The following POU6F2 variants were observed in gnomAD, a reference collection of about 807,000 sequenced individuals.
The protein encoded by POU6F2 is POU domain, class 6, transcription factor 2.
In POU6F2, 31 loss-of-function variants were observed where a neutral mutation model predicts 71.3. The ratio of observed to expected loss-of-function variants is 0.43; its 90% CI spans 0.33 to 0.59. The LOEUF (loss-of-function observed/expected upper bound fraction) is 0.59. POU6F2 is among the 20% of genes least tolerant of loss of function. The probability of loss-of-function intolerance (pLI) is 0.04; values close to 1 mark genes in which losing one functional copy is unlikely to be tolerated. For missense variants in POU6F2, 783 were observed against 856.8 expected, an observed-to-expected ratio of 0.91 and a Z score of 1.07; for synonymous variants, 347 against 355.7, an observed-to-expected ratio of 0.98 and a Z score of 0.27.
rs1788965645 is a variant in POU6F2 at position 39,003,304 on chromosome 7, A to AT, written c.105+25251dup. ...TCTAAAGTTCAAAGGCAAAAAGACG[A>AT]TTTTTGAAATAAACCACAAAAATAG... On this transcript the variant is annotated intron_variant, in intron 1 of 9. Transcript: ENST00000518318. Among the ~76,000 whole-genome samples, 5 of 152,014 alleles carry AT rather than the reference A, an allele frequency of 3.3e-5. No homozygotes were observed. The South Asian group carries it at 1.0e-3, about 32-fold the overall frequency.
At position 39,207,398 on chromosome 7, in the gene POU6F2, C is replaced by G. The variant is rs1254379259; in HGVS notation, c.376C>G (p.Leu126Val). 3 of 1,613,676 alleles carry G rather than the reference C, an allele frequency of 1.9e-6. No individual in the cohort carries two copies. The highest frequency in any genetic ancestry group is 1.3e-5 in the African/African-American group (1 of 74,938). The change falls in exon 4 of 10, where the codon CTG becomes GTG. Residue 126 changes from leucine (L) to valine (V), a missense_variant. This residue lies in a region of POU6F2 where 572 missense variants were observed against 572.9 expected (regional missense o/e 1.00). Coordinates refer to ENST00000518318, the MANE Select transcript of POU6F2 (RefSeq NM_001370959.1). ...PPFPVGPQPLLTAQQLASAVA... is the reference protein window; with the variant it reads ...PPFPVGPQPLVTAQQLASAVA... ...TGTATCTGTTTCCTTGCAGCCACTT[C>G]TGACGGCACAGCAGTTAGCTTCTGC...
At chr7:39,463,822 C>T (rs181417959) in intron 9 of POU6F2, among the ~76,000 whole-genome samples, 7 of 152,298 alleles carry the variant, frequency 4.6e-5, no homozygotes, top group Admixed American at 4.6e-4. Flanking sequence ...TTAATTTTTG[C>T]CTTCATGAGT....
chr7:39,001,250 C>G (rs1472134370), intron 1 of POU6F2, among the ~76,000 whole-genome samples: 2 of 147,446 alleles, frequency 1.4e-5, no homozygotes, highest in Non-Finnish European at 2.9e-5. Context: ...TTGACACAGG[C>G]CATTTTGATT....
rs550187206 is a variant in POU6F2, at chr7:39,130,679, AT to A, written c.277+44658del. ...TCAGAAGAACACTTTTAAAAATCAG[AT>A]TTTTTTTTTCAAACAGGAGGAAAAT... On this transcript the variant is annotated intron_variant, in intron 2 of 9. Transcript: ENST00000518318. Among the ~76,000 whole-genome samples the A allele has an allele frequency of 9.4e-3, 1,424 of 151,216 alleles. 20 individuals are homozygous for A. Among genetic ancestry groups the A allele is most frequent in the African/African-American group, 0.031 (1,289 of 41,272 alleles).
intron 5 of POU6F2, among the ~76,000 whole-genome samples, chr7:39,391,843 A>G (rs1445739254): frequency 6.6e-6 from 1 of 152,040 alleles, no homozygotes; most frequent in Non-Finnish European, 1.5e-5. Context: ...TTTAAAATCT[A>G]TTATAGATTT....
chr7:39,142,274 A>C (rs1792518585), intron 2 of POU6F2, among the ~76,000 whole-genome samples: 1 of 152,160 alleles, frequency 6.6e-6, no homozygotes, highest in South Asian at 2.1e-4. Context: ...CTTTGCAGGA[A>C]TCTCTTGGTT....
At chr7:39,196,123 C>G (rs1208609753) in intron 2 of POU6F2, among the ~76,000 whole-genome samples, 3 of 152,170 alleles carry the variant, frequency 2.0e-5, no homozygotes, top group African/African-American at 7.2e-5. Context: ...TTGTCAAGCT[C>G]CACAGTGATT....
At chr7:39,032,166 G>A (rs1019058220) in intron 1 of POU6F2, among the ~76,000 whole-genome samples, 4 of 152,102 alleles carry the variant, frequency 2.6e-5, no homozygotes, top group African/African-American at 9.7e-5. Context: ...AGTGGGCATT[G>A]GATGTTGGAC....
At chr7:39,359,147 A>G (rs1248657261) in intron 5 of POU6F2, among the ~76,000 whole-genome samples, 1 of 152,102 alleles carries the variant, frequency 6.6e-6, no homozygotes, top group African/African-American at 2.4e-5. Context: ...CCTTAAGAAA[A>G]TGATTTTTTT....
intron 1 of POU6F2, among the ~76,000 whole-genome samples, chr7:38,992,263 A>G (rs1289743768): frequency 2.0e-5 from 3 of 152,122 alleles, no homozygotes; most frequent in Non-Finnish European, 4.4e-5. Flanking sequence ...CTTGTCTGGG[A>G]ATTTGTTTTT....
At chr7:39,064,879 T>C (rs142297093) in intron 1 of POU6F2, among the ~76,000 whole-genome samples, 44 of 152,012 alleles carry the variant, frequency 2.9e-4, no homozygotes, top group African/African-American at 9.4e-4. Context: ...TGACATCTAA[T>C]TGAAACATTA....
intron 1 of POU6F2, among the ~76,000 whole-genome samples, chr7:39,072,815 A>G (rs73122430): frequency 0.011 from 1,710 of 152,324 alleles, 13 homozygotes; most frequent in Non-Finnish European, 0.016. Flanking sequence ...GTGGAGCGAC[A>G]TGTTTATTTA....
chr7:39,071,086 A>T (rs1473779282), intron 1 of POU6F2, among the ~76,000 whole-genome samples: 1 of 152,180 alleles, frequency 6.6e-6, no homozygotes, highest in African/African-American at 2.4e-5. Flanking sequence ...TATTATTATT[A>T]CATTGTAATA....
Position 39,055,124 on chromosome 7 carries a change from T to C in POU6F2, c.106-30736T>C, listed in dbSNP as rs752174047. ...GAAGTAGTGGATTGTAGGAACGAAG[T>C]AGACGTCAAAGTCAGAAGATAGATA... On this transcript the variant is annotated intron_variant, in intron 1 of 9. Transcript: ENST00000518318. Among the ~76,000 whole-genome samples the C allele has an allele frequency of 4.3e-4, 66 of 152,240 alleles. 1 individual carries two copies. The highest frequency in any genetic ancestry group is 6.2e-4 in the South Asian group (3 of 4,814).
intron 5 of POU6F2, among the ~76,000 whole-genome samples, chr7:39,368,147 G>T (rs1422468044): frequency 6.6e-6 from 1 of 152,188 alleles, no homozygotes; most frequent in African/African-American, 2.4e-5. Context: ...GACTAAGTTT[G>T]GTGGGAAAGG....
intron 4 of POU6F2, among the ~76,000 whole-genome samples, chr7:39,308,844 T>C (rs780635826): frequency 3.9e-5 from 6 of 152,150 alleles, no homozygotes; most frequent in African/African-American, 9.7e-5. Context: ...ACTAACTCAC[T>C]TCCTTCCCCC....
chr7:39,055,997 A>G (rs1043972311), intron 1 of POU6F2, among the ~76,000 whole-genome samples: 19 of 140,706 alleles, frequency 1.4e-4, no homozygotes, highest in Non-Finnish European at 3.1e-5. Flanking sequence ...ATCTATCAAT[A>G]TCTCTTTAAT....
intron 1 of POU6F2, among the ~76,000 whole-genome samples, chr7:39,048,335 GTT>G (rs35124306): frequency 6.7e-6 from 1 of 149,306 alleles, no homozygotes; most frequent in Non-Finnish European, 1.5e-5. Context: ...CTGATAGGTA[GTT>G]TTTTTTTTAT....
intron 4 of POU6F2, among the ~76,000 whole-genome samples, chr7:39,213,231 A>G (rs2128747061): frequency 6.6e-6 from 1 of 152,348 alleles, no homozygotes; most frequent in East Asian, 1.9e-4. Flanking sequence ...CCAGTTGAAA[A>G]ATCAAGGCCA....
Sources: gnomAD v4.1 joint callset for allele counts (sites outside exome capture counted in the v4.1 genomes callset) on GRCh38, gnomAD v4.1.1 for gene constraint, gnomAD v4.1.1 regional missense constraint, MANE v1.5 for transcripts, NCBI Gene and HGNC (gene_info 2026-07-23, HGNC 2026-07-21) for gene names.